Variants in NELL1 observed in about 807,000 individuals in gnomAD.
NELL1 encodes neural EGFL like 1.
In NELL1, 76 loss-of-function variants were observed where a neutral mutation model predicts 107.4. That is an observed-to-expected ratio of 0.71 (90% CI 0.59 to 0.86). The LOEUF (loss-of-function observed/expected upper bound fraction) is 0.86, where lower values mean the gene tolerates loss of function less well. Ranked by LOEUF, NELL1 falls within the 40% of genes least tolerant of loss-of-function variation. The pLI is 0.00. For synonymous variants in NELL1, 353 were observed against 341.2 expected (o/e 1.03, Z -0.38); for missense variants, 1,024 against 1,005.5 (o/e 1.02, Z -0.25).
At chr11:21,443,027 A>G (rs927304778) in intron 15 of NELL1, among the ~76,000 whole-genome samples, 1 of 127,568 alleles carries the variant, frequency 7.8e-6, no homozygotes, top group Non-Finnish European at 1.7e-5. Flanking sequence ...AATACTACAT[A>G]CAGGGTAATT....
intron 3 of NELL1, among the ~76,000 whole-genome samples, chr11:20,798,896 T>C (rs1857226419): frequency 6.6e-6 from 1 of 152,218 alleles, no homozygotes; most frequent in South Asian, 2.1e-4. Flanking sequence ...GGAACATTGG[T>C]GGATTCTTTA....
At chr11:21,086,681 C>T (rs949795453) in intron 12 of NELL1, among the ~76,000 whole-genome samples, 1 of 152,112 alleles carries the variant, frequency 6.6e-6, no homozygotes, top group Non-Finnish European at 1.5e-5. Context: ...CCTTTATCAA[C>T]TTTTACCCTA....
At position 20,937,966 on chromosome 11, in the gene NELL1, C is replaced by T. The variant is rs866057180; in HGVS notation, c.1071+107C>T. 3.7e-5 allele frequency: 38 copies of T among 1,035,984 alleles called. No individual in the cohort carries two copies. In the Middle Eastern group the frequency reaches 1.7e-3, roughly 45 times the overall value. The allele number at this position is 1,035,984 out of a possible 1,614,324, so 64.2% of individuals were successfully genotyped here. ...GGGCATATTGGCCTGGATAGGGCCC[C>T]GAGGGGTGGAACTCTCTGCGGTGGG... On this transcript the variant is annotated intron_variant, in intron 10 of 19. Coordinates refer to ENST00000357134, the MANE Select transcript of NELL1 (RefSeq NM_006157.5).
At chr11:21,115,567 G>GT (rs11459831) in intron 13 of NELL1, among the ~76,000 whole-genome samples, 12,964 of 151,196 alleles carry the variant, frequency 0.086, 1,817 homozygotes, top group African/African-American at 0.3. Context: ...TTTTATGTGA[G>GT]TTTTTTTTTA....
chr11:20,793,649 C>G (rs1229236382), intron 3 of NELL1, among the ~76,000 whole-genome samples: 1 of 152,064 alleles, frequency 6.6e-6, no homozygotes, highest in African/African-American at 2.4e-5. Flanking sequence ...GAATACAGCC[C>G]ACTGATATTG....
At chr11:21,033,729 C>T (rs1853019200) in intron 12 of NELL1, among the ~76,000 whole-genome samples, 1 of 151,980 alleles carries the variant, frequency 6.6e-6, no homozygotes, top group African/African-American at 2.4e-5. Flanking sequence ...TAATATAGAA[C>T]AATTTATATT....
chr11:21,224,200 A>T (rs1857833677), intron 13 of NELL1, among the ~76,000 whole-genome samples: 1 of 152,054 alleles, frequency 6.6e-6, no homozygotes, highest in Admixed American at 6.6e-5. Context: ...GGATGGTCAT[A>T]TCTCTCCTAA....
chr11:21,528,066 G>A (rs1176648107), intron 15 of NELL1, among the ~76,000 whole-genome samples: 1 of 152,114 alleles, frequency 6.6e-6, no homozygotes, highest in African/African-American at 2.4e-5. Flanking sequence ...ACTAATAGAG[G>A]CCATAAATGC....
intron 14 of NELL1, among the ~76,000 whole-genome samples, chr11:21,281,707 T>C (rs1446224708): frequency 6.6e-6 from 1 of 151,988 alleles, no homozygotes; most frequent in Admixed American, 6.6e-5. Flanking sequence ...AGAGAGAGAC[T>C]CCATTTGTTT....
At chr11:21,337,732 T>TTCCC (rs1288429832) in intron 14 of NELL1, among the ~76,000 whole-genome samples, 1 of 146,538 alleles carries the variant, frequency 6.8e-6, no homozygotes, top group African/African-American at 2.5e-5. Flanking sequence ...CTTTTCTTTC[T>TTCCC]TTCCTTTCTT....
intron 16 of NELL1, among the ~76,000 whole-genome samples, chr11:21,544,785 C>CTAAT (rs1220403113): frequency 2.0e-5 from 3 of 151,770 alleles, no homozygotes; most frequent in African/African-American, 7.3e-5. Context: ...ATAAAACACA[C>CTAAT]TAATTGAAAA....
At chr11:21,546,963 T>A (rs1263993750) in intron 16 of NELL1, among the ~76,000 whole-genome samples, 3 of 151,920 alleles carry the variant, frequency 2.0e-5, no homozygotes, top group African/African-American at 4.8e-5. Context: ...ATTGAGAGGG[T>A]CTGGTCAGTG....
intron 3 of NELL1, among the ~76,000 whole-genome samples, chr11:20,842,523 T>C (rs1848639370): frequency 6.6e-6 from 1 of 152,190 alleles, no homozygotes. Flanking sequence ...GAACCATGAA[T>C]GGAGGCTGCC....
intron 15 of NELL1, among the ~76,000 whole-genome samples, chr11:21,385,108 A>G (rs1851709451): frequency 1.3e-5 from 2 of 151,776 alleles, no homozygotes; most frequent in Non-Finnish European, 1.5e-5. Context: ...ATCTAAAATA[A>G]TACATTTCCT....
rs150128642 is a variant in NELL1, at chr11:21,332,448, C to T, written c.1550-38405C>T. On this transcript the variant is annotated intron_variant, in intron 14 of 19. Coordinates refer to ENST00000357134, the MANE Select transcript of NELL1 (RefSeq NM_006157.5). ...TATACCTGCAGACACAAAGTTGAGGCAATCTTGGGGATCCCTTTATTTGTA... is the reference window on the plus strand; with the variant it reads ...TATACCTGCAGACACAAAGTTGAGGTAATCTTGGGGATCCCTTTATTTGTA... Among the ~76,000 whole-genome samples, 245 of 152,074 alleles carry T rather than the reference C, an allele frequency of 1.6e-3. 1 individual carries two copies. Among genetic ancestry groups the T allele is most frequent in the African/African-American group, 5.6e-3 (232 of 41,530 alleles).
chr11:20,723,194 A>G (rs975510635), intron 2 of NELL1, among the ~76,000 whole-genome samples: 2 of 152,128 alleles, frequency 1.3e-5, no homozygotes, highest in African/African-American at 4.8e-5. Context: ...TCACATTTCA[A>G]AATCAATCAT....
chr11:21,062,722 T>C (rs1413409567), intron 12 of NELL1, among the ~76,000 whole-genome samples: 1 of 152,210 alleles, frequency 6.6e-6, no homozygotes, highest in Non-Finnish European at 1.5e-5. Flanking sequence ...GGGATTCTTA[T>C]GGCCTTCCCT....
chr11:21,174,526 A>G (rs1398122507), intron 13 of NELL1, among the ~76,000 whole-genome samples: 1 of 151,804 alleles, frequency 6.6e-6, no homozygotes, highest in Non-Finnish European at 1.5e-5. Context: ...GGTTAAATAT[A>G]TCCTCTATCT....
chr11:21,015,637 AT>A (rs1214563664), intron 12 of NELL1, among the ~76,000 whole-genome samples: 2 of 152,000 alleles, frequency 1.3e-5, no homozygotes, highest in Non-Finnish European at 2.9e-5. Flanking sequence ...TTGTTTGGTA[AT>A]GGAGTGTAGG....
Sources: gnomAD v4.1 joint callset for allele counts (sites outside exome capture counted in the v4.1 genomes callset) on GRCh38, gnomAD v4.1.1 for gene constraint, MANE v1.5 for transcripts, NCBI Gene and HGNC (gene_info 2026-07-23, HGNC 2026-07-21) for gene names.